PDE3B: variants seen among roughly 807,000 people sequenced by gnomAD.
PDE3B encodes the protein phosphodiesterase 3B.
A neutral mutation model predicts 116.8 loss-of-function variants in PDE3B; 66 were observed. That is an observed-to-expected ratio of 0.56 (90% confidence interval 0.46 to 0.69). The LOEUF (loss-of-function observed/expected upper bound fraction) is 0.69. Among genes scored for constraint, PDE3B ranks in the 30% least tolerant of loss-of-function variants. The pLI is 0.00. For missense variants in PDE3B, 1,384 were observed against 1,368.1 expected (o/e 1.01, Z -0.18); for synonymous variants, 595 against 533.6 (o/e 1.12, Z -1.59).
chr11:14,699,444 C>T (rs1290860553), intron 1 of PDE3B: 1 of 151,768 alleles, frequency 6.6e-6, no homozygotes, highest in East Asian at 1.9e-4. Context: ...GCTGTTGTTT[C>T]ATGTGGAAAC....
chr11:14,754,944 C>G (rs1565122833), intron 1 of PDE3B, among the ~76,000 whole-genome samples: 1 of 152,010 alleles, frequency 6.6e-6, no homozygotes, highest in Admixed American at 6.6e-5. Flanking sequence ...TAATATTTCT[C>G]CCATTATCTG....
At chr11:14,754,743 AAAAC>A (rs549491190) in intron 1 of PDE3B, among the ~76,000 whole-genome samples, 5 of 152,120 alleles carry the variant, frequency 3.3e-5, no homozygotes, top group Admixed American at 6.6e-5. Context: ...CATCTCTTTT[AAAAC>A]AAACAAACAA....
At chr11:14,763,194 CTGGAGAATGTAATA>C (rs1473043408) in intron 1 of PDE3B, among the ~76,000 whole-genome samples, 1 of 152,094 alleles carries the variant, frequency 6.6e-6, no homozygotes, top group Admixed American at 6.6e-5. Context: ...AGAAAGAAAT[CTGGAGAATGTAATA>C]CTCCAGAAGC....
the PDE3B span, chr11:14,880,356 G>A: frequency 6.2e-7 from 1 of 1,613,344 alleles, no homozygotes; most frequent in Non-Finnish European, 8.5e-7. Flanking sequence ...CTTTTTCAAT[G>A]AGTCTGGAGA....
chr11:14,814,674 T>A lies in PDE3B; in HGVS notation c.1523-3509T>A, dbSNP rs147792139. ...AACCTCTTTATTGAAAAAAGTCATA[T>A]AAAGGCCAGGCATGGTGGCTCACGC... is the stretch of plus-strand genomic sequence containing the variant. On this transcript the variant is annotated intron_variant, in intron 5 of 15. Coordinates refer to ENST00000282096, the MANE Select transcript of PDE3B (RefSeq NM_000922.4). 1.5e-3 allele frequency among the ~76,000 whole-genome samples: 230 copies of A among 152,212 alleles called. 8 individuals are homozygous for A. In the East Asian group the frequency reaches 0.041, roughly 27 times the overall value.
intron 3 of PDE3B, 24 bp downstream of exon 3, chr11:14,786,709 C>A (rs1279978076): frequency 1.9e-6 from 3 of 1,549,484 alleles, no homozygotes; most frequent in Non-Finnish European, 2.7e-6. Flanking sequence ...AATCATCTAA[C>A]CCTATTTATC....
chr11:14,880,794 A>G, the PDE3B span: 7 of 1,584,480 alleles, frequency 4.4e-6, no homozygotes, highest in Admixed American at 1.8e-5. Context: ...AAAATATTGT[A>G]TAATTCCTAC....
rs991292445 is a variant in PDE3B at position 14,762,020 on chromosome 11, A to G, written c.979-9917A>G. Among the ~76,000 whole-genome samples the G allele has an allele frequency of 4.3e-4, 66 of 152,132 alleles. 1 individual carries two copies. The highest frequency in any genetic ancestry group is 1.3e-4 in the Non-Finnish European group (9 of 68,028). On this transcript the variant is annotated intron_variant, in intron 1 of 15. Coordinates refer to ENST00000282096, the MANE Select transcript of PDE3B (RefSeq NM_000922.4). ...TAATATGCAGTTCTAAAATAAAGAC[A>G]AGTCAGCTGGGTGTGGTGGTTCATG...
chr11:14,662,704 A>G (rs1424254291), intron 1 of PDE3B, among the ~76,000 whole-genome samples: 1 of 152,260 alleles, frequency 6.6e-6, no homozygotes, highest in African/African-American at 2.4e-5. Flanking sequence ...AAGAAAGGGT[A>G]TCAGTGATGG....
chr11:14,654,031 ACAC>A (rs1853638588), intron 1 of PDE3B, among the ~76,000 whole-genome samples: 1 of 152,048 alleles, frequency 6.6e-6, no homozygotes, highest in African/African-American at 2.4e-5. Context: ...AAACACACAC[ACAC>A]AAAGTTATAT....
intron 5 of PDE3B, among the ~76,000 whole-genome samples, chr11:14,817,297 G>A (rs1309654921): frequency 6.6e-6 from 1 of 151,166 alleles, no homozygotes; most frequent in African/African-American, 2.4e-5. Context: ...GGGGTGGGGG[G>A]ACGGGGGATG....
chr11:14,798,268 G>T (rs971286215), intron 4 of PDE3B, among the ~76,000 whole-genome samples: 3 of 152,040 alleles, frequency 2.0e-5, no homozygotes, highest in Admixed American at 2.0e-4. Flanking sequence ...GCCTTGCATC[G>T]CAGGGATGAA....
chr11:14,784,904 CAG>C (rs757209825), intron 2 of PDE3B, among the ~76,000 whole-genome samples: 26 of 152,030 alleles, frequency 1.7e-4, no homozygotes, highest in Non-Finnish European at 3.1e-4. Context: ...AGTTTTTAAA[CAG>C]TATTGAGGAA....
intron 10 of PDE3B, among the ~76,000 whole-genome samples, chr11:14,834,166 T>A (rs1859982852): frequency 6.6e-6 from 1 of 152,208 alleles, no homozygotes; most frequent in Non-Finnish European, 1.5e-5. Flanking sequence ...GTCATATCTA[T>A]AGGCAAAACA....
the PDE3B span, chr11:14,891,010 C>T: frequency 1.0e-6 from 1 of 985,348 alleles, no homozygotes; most frequent in Admixed American, 6.1e-5. Flanking sequence ...CTGCCAACTC[C>T]TTAAAAGGCT....
At chr11:14,652,158 A>T (rs1211745541) in intron 1 of PDE3B, among the ~76,000 whole-genome samples, 1 of 152,152 alleles carries the variant, frequency 6.6e-6, no homozygotes, top group Non-Finnish European at 1.5e-5. Flanking sequence ...TTGTATAATT[A>T]CAGTGTAAGG....
chr11:14,807,073 CAG>C (rs1858957063), intron 5 of PDE3B, among the ~76,000 whole-genome samples: 1 of 151,786 alleles, frequency 6.6e-6, no homozygotes, highest in Non-Finnish European at 1.5e-5. Context: ...CACATGGACA[CAG>C]GGAGGGGAAC....
At chr11:14,747,058 G>A (rs1227059570) in intron 1 of PDE3B, among the ~76,000 whole-genome samples, 1 of 152,238 alleles carries the variant, frequency 6.6e-6, no homozygotes, top group African/African-American at 2.4e-5. Context: ...CAAAGGCGGA[G>A]GAGGTGTGTC....
chr11:14,814,028 A>G (rs1859238986), intron 5 of PDE3B, among the ~76,000 whole-genome samples: 1 of 152,214 alleles, frequency 6.6e-6, no homozygotes, highest in Non-Finnish European at 1.5e-5. Flanking sequence ...TAATTGGTAC[A>G]GAGAAAGCTT....
Sources: gnomAD v4.1 joint callset for allele counts (sites outside exome capture counted in the v4.1 genomes callset) on GRCh38, gnomAD v4.1.1 for gene constraint, MANE v1.5 for transcripts, NCBI Gene and HGNC (gene_info 2026-07-23, HGNC 2026-07-21) for gene names.